The following AATF variants were observed in gnomAD, a reference collection of about 807,000 sequenced individuals.
The protein encoded by AATF is protein AATF.
A neutral mutation model predicts 63.7 loss-of-function variants in AATF; 48 were observed. The ratio of observed to expected loss-of-function variants is 0.75; its 90% confidence interval spans 0.60 to 0.96. The LOEUF (loss-of-function observed/expected upper bound fraction) is 0.96, where lower values mean the gene tolerates loss of function less well. Among genes scored for constraint, AATF ranks in the 40% least tolerant of loss-of-function variants. AATF has a pLI of 0.00. For missense variants in AATF, 639 were observed against 685.7 expected, an observed-to-expected ratio of 0.93 and a Z score of 0.76; for synonymous variants, 258 against 247.7, an observed-to-expected ratio of 1.04 and a Z score of -0.39.
intron 10 of AATF, among the ~76,000 whole-genome samples, chr17:37,027,291 C>T (rs774626507): frequency 5.1e-4 from 78 of 152,038 alleles, no homozygotes; most frequent in Non-Finnish European, 8.8e-4. Context: ...AATATGACGT[C>T]TTACTGTGTT....
chr17:37,031,591 C>T, intron 10 of AATF, 23 bp from the exon 11 acceptor site: 2 of 1,603,234 alleles, frequency 1.2e-6, no homozygotes, highest in Non-Finnish European at 1.7e-6. Flanking sequence ...ATGTTGCTGC[C>T]TGTTGCTTCC....
intron 4 of AATF, among the ~76,000 whole-genome samples, chr17:36,959,974 C>T (rs998549407): frequency 6.6e-6 from 1 of 152,010 alleles, no homozygotes; most frequent in African/African-American, 2.4e-5. Flanking sequence ...CTTTGTGGTC[C>T]TTGCCCAAAA....
chr17:37,044,677 C>G (rs1176704218), intron 11 of AATF, among the ~76,000 whole-genome samples: 1 of 152,136 alleles, frequency 6.6e-6, no homozygotes, highest in Non-Finnish European at 1.5e-5. Flanking sequence ...CGAATTCTTG[C>G]GTCCAGAGGA....
At chr17:36,990,658 C>T in intron 7 of AATF, 116 bp from the exon 8 acceptor site, 1 of 682,464 alleles carries the variant, frequency 1.5e-6, no homozygotes, top group Non-Finnish European at 2.4e-6. Flanking sequence ...ATTTTAAGAA[C>T]TTTTTATATC....
chr17:37,001,433 A>G (rs866166161), intron 8 of AATF, among the ~76,000 whole-genome samples: 3,856 of 127,920 alleles, frequency 0.03, 289 homozygotes, highest in African/African-American at 0.11. Flanking sequence ...GGAAGGAAGG[A>G]AGGAAGGAAG....
chr17:36,971,128 T>C (rs2071036255), intron 4 of AATF, among the ~76,000 whole-genome samples: 1 of 152,030 alleles, frequency 6.6e-6, no homozygotes. Context: ...GTTAAAATAA[T>C]GAAAAGATAA....
chr17:36,967,626 C>T lies in AATF; in HGVS notation c.832+13719C>T, dbSNP rs376092145. Among the ~76,000 whole-genome samples the T allele has an allele frequency of 5.9e-4, 89 of 152,086 alleles. 2 individuals are homozygous for T. The South Asian group carries it at 0.017, about 29-fold the overall frequency. On this transcript the variant is annotated intron_variant, in intron 4 of 11. Transcript: ENST00000619387. Reference sequence around the variant, plus strand: ...CTTAGCTTCTTGCTTCTGTGGATCTCCTATTCCAGAGTCTTTCTTGGCTAC... The same window carrying T: ...CTTAGCTTCTTGCTTCTGTGGATCTTCTATTCCAGAGTCTTTCTTGGCTAC...
chr17:36,964,757 C>G (rs1053601142), intron 4 of AATF, among the ~76,000 whole-genome samples: 1 of 151,394 alleles, frequency 6.6e-6, no homozygotes, highest in African/African-American at 2.4e-5. Context: ...TTTTGCCCCC[C>G]TCCCCCCCAC....
At chr17:37,021,804 CAAA>C (rs1246008885) in intron 10 of AATF, among the ~76,000 whole-genome samples, 6 of 91,566 alleles carry the variant, frequency 6.6e-5, no homozygotes, top group East Asian at 2.8e-4. Context: ...GACTCCGTCT[CAAA>C]AAAAAAAAAA....
chr17:37,031,766 C>T, intron 11 of AATF, 81 bp downstream of exon 11: 1 of 1,105,172 alleles, frequency 9.0e-7, no homozygotes, highest in Non-Finnish European at 1.4e-6. Flanking sequence ...TCGCCCTCTC[C>T]ATTTCTTCTT....
At position 37,029,032 on chromosome 17, in the gene AATF, T is replaced by A. The variant is rs77355651; in HGVS notation, c.1548-2582T>A. 6.1e-3 allele frequency among the ~76,000 whole-genome samples: 925 copies of A among 152,072 alleles called. 9 individuals are homozygous for A. The highest frequency in any genetic ancestry group is 0.017 in the East Asian group (88 of 5,162). ...TAGGTAGAAGGATTGTGTGTGGGAT[T>A]TTTTGTTTGTTTGTTTTTTAGATAA... On this transcript the variant is annotated intron_variant, in intron 10 of 11. Coordinates refer to ENST00000619387, the MANE Select transcript of AATF (RefSeq NM_012138.4).
chr17:36,993,437 T>A (rs1277400599), intron 8 of AATF, among the ~76,000 whole-genome samples: 3 of 152,236 alleles, frequency 2.0e-5, no homozygotes, highest in Admixed American at 6.5e-5. Context: ...ACCTGGTTAA[T>A]TTCTTCTGTT....
chr17:37,038,480 T>C (rs993944429), intron 11 of AATF, among the ~76,000 whole-genome samples: 42 of 152,224 alleles, frequency 2.8e-4, no homozygotes, highest in African/African-American at 9.4e-4. Context: ...GGTCTGGTGA[T>C]GGCAGTCAGC....
At chr17:36,976,172 ACT>A (rs2071078452) in intron 4 of AATF, among the ~76,000 whole-genome samples, 1 of 152,274 alleles carries the variant, frequency 6.6e-6, no homozygotes, top group African/African-American at 2.4e-5. Flanking sequence ...ATTTCATTAC[ACT>A]CTGTTTCCCA....
chr17:37,033,139 G>A (rs2071564414), intron 11 of AATF, among the ~76,000 whole-genome samples: 1 of 152,176 alleles, frequency 6.6e-6, no homozygotes, highest in Admixed American at 6.6e-5. Context: ...GCACAAAACA[G>A]CCTATGGATG....
intron 4 of AATF, among the ~76,000 whole-genome samples, chr17:36,957,197 C>A (rs1411533726): frequency 6.6e-6 from 1 of 152,190 alleles, no homozygotes; most frequent in Admixed American, 6.5e-5. Context: ...TTCATCTCAG[C>A]AATGGATTAG....
At chr17:37,039,476 GA>G (rs1333929154) in intron 11 of AATF, among the ~76,000 whole-genome samples, 1 of 152,158 alleles carries the variant, frequency 6.6e-6, no homozygotes, top group Non-Finnish European at 1.5e-5. Flanking sequence ...ATTACAGAAT[GA>G]ACATAACTCA....
chr17:37,017,892 T>C (rs73286019), intron 8 of AATF, among the ~76,000 whole-genome samples: 1 of 152,358 alleles, frequency 6.6e-6, no homozygotes, highest in African/African-American at 2.4e-5. Flanking sequence ...TTTCTTCATT[T>C]GAACCACTGA....
At chr17:36,982,446 C>T (rs12939891) in intron 4 of AATF, among the ~76,000 whole-genome samples, 5 of 152,060 alleles carry the variant, frequency 3.3e-5, no homozygotes, top group Admixed American at 1.3e-4. Context: ...CTCCCCGTCC[C>T]GGGTTCAGGA....
Sources: allele counts gnomAD v4.1 joint callset (sites outside exome capture counted in the v4.1 genomes callset), GRCh38; gene constraint gnomAD v4.1.1; transcripts MANE v1.5; gene names NCBI Gene and HGNC (gene_info 2026-07-23, HGNC 2026-07-21).